The following FYB1 variants were observed in gnomAD, a reference collection of about 807,000 sequenced individuals.
The protein encoded by FYB1 is FYN-binding protein 1.
In FYB1, 41 loss-of-function variants were observed where a neutral mutation model predicts 94.1. That is an observed-to-expected ratio of 0.44 (90% CI 0.34 to 0.57). The LOEUF (loss-of-function observed/expected upper bound fraction) is 0.57, where lower values mean the gene tolerates loss of function less well. FYB1 is among the 20% of genes least tolerant of loss of function. FYB1 has a pLI of 0.02. For missense variants in FYB1, 1,050 were observed against 976.8 expected (o/e 1.07, Z -1.00); for synonymous variants, 367 against 353.2 (o/e 1.04, Z -0.44).
intron 1 of FYB1, among the ~76,000 whole-genome samples, chr5:39,231,147 CA>C (rs747268330): frequency 4.4e-4 from 18 of 40,916 alleles, no homozygotes; most frequent in Non-Finnish European, 8.3e-4. Context: ...CAGCTCAGAG[CA>C]AAAAAAAAAA....
chr5:39,192,785 G>A (rs1214080349), intron 2 of FYB1, among the ~76,000 whole-genome samples: 2 of 152,240 alleles, frequency 1.3e-5, no homozygotes, highest in Non-Finnish European at 2.9e-5. Context: ...TGGTGCCTGA[G>A]CAGAAAGAAT....
intron 1 of FYB1, among the ~76,000 whole-genome samples, chr5:39,257,397 C>T (rs1453956132): frequency 1.3e-5 from 2 of 148,970 alleles, no homozygotes; most frequent in African/African-American, 2.5e-5. Flanking sequence ...CTTATTTTGA[C>T]TTAGGTTCGT....
intron 2 of FYB1, chr5:39,169,333 GA>G: frequency 1.3e-6 from 1 of 769,690 alleles, no homozygotes. Flanking sequence ...TATCTTTGGA[GA>G]AAAATTCCCA....
intron 1 of FYB1, among the ~76,000 whole-genome samples, chr5:39,229,425 G>A (rs1335629425): frequency 6.6e-6 from 1 of 152,164 alleles, no homozygotes; most frequent in Non-Finnish European, 1.5e-5. Flanking sequence ...AAATGACAGT[G>A]GAAACTAGTA....
At chr5:39,170,047 T>G in intron 2 of FYB1, 1 of 807,378 alleles carries the variant, frequency 1.2e-6, no homozygotes, top group Non-Finnish European at 2.2e-6. Flanking sequence ...ATGAGAGGCC[T>G]CCACTGGTGT....
At chr5:39,123,604 A>T (rs1740337375) in intron 13 of FYB1, among the ~76,000 whole-genome samples, 1 of 152,170 alleles carries the variant, frequency 6.6e-6, no homozygotes, top group African/African-American at 2.4e-5. Flanking sequence ...CTAATGTCAG[A>T]TAAAGGGTCT....
Position 39,202,498 on chromosome 5 carries a change from AT to A in FYB1, c.462del (p.Lys154AsnfsTer20). On this transcript the variant is annotated frameshift_variant, in exon 2 of 19. Coordinates refer to ENST00000512982, the MANE Select transcript of FYB1 (RefSeq NM_001465.6). LOFTEE classifies it high-confidence loss of function. ...QDHDLKPLGP[K>X]SGPTPPTSEN... ...TCTGAGGTTGGAGGAGTAGGCCCAG[AT>A]TTCGGGCCTAGTGGCTTTAAGTCAT... 6.2e-7 allele frequency: 1 copy of A among 1,613,774 alleles called. No individual in the cohort carries two copies. The highest frequency in any genetic ancestry group is 8.5e-7 in the Non-Finnish European group (1 of 1,179,836).
chr5:39,169,330 G>C, intron 2 of FYB1: 1 of 771,996 alleles, frequency 1.3e-6, no homozygotes, highest in African/African-American at 1.7e-5. Flanking sequence ...GGGTATCTTT[G>C]GAGAAAAATT....
chr5:39,180,952 G>T (rs1030667177), intron 2 of FYB1, among the ~76,000 whole-genome samples: 3 of 151,254 alleles, frequency 2.0e-5, no homozygotes, highest in African/African-American at 7.4e-5. Context: ...TTCTGGAACA[G>T]AAATTCAGGG....
intron 14 of FYB1, among the ~76,000 whole-genome samples, chr5:39,121,680 T>C (rs1177888987): frequency 6.6e-6 from 1 of 152,148 alleles, no homozygotes; most frequent in Non-Finnish European, 1.5e-5. Flanking sequence ...ACCTACCATG[T>C]TATTCTCTAT....
chr5:39,154,369 T>A (rs910754011), intron 2 of FYB1, among the ~76,000 whole-genome samples: 8 of 152,194 alleles, frequency 5.3e-5, no homozygotes, highest in Non-Finnish European at 1.2e-4. Context: ...TTCCTAAATA[T>A]GGAATTTTAA....
Position 39,134,323 on chromosome 5 carries a change from C to G in FYB1, c.1702G>C (p.Glu568Gln). 6.2e-7 allele frequency: 1 copy of G among 1,610,032 alleles called. No homozygotes were observed. The highest frequency in any genetic ancestry group is 2.2e-5 in the East Asian group (1 of 44,750). The change falls in exon 9 of 19, where the codon GAG becomes CAG. Residue 568 changes from glutamate to glutamine, a missense_variant. Glu to Gln is a conservative substitution (Grantham distance 29, BLOSUM62 2). Coordinates refer to ENST00000512982, the MANE Select transcript of FYB1 (RefSeq NM_001465.6). ...AGTTTCAAAGAATCATAGTCAATCT[C>G]TACAGCAGTTGTTTTAATATAGCCA... ...SYGYIKTTAV[E>Q]IDYDSLKLKK...
intron 1 of FYB1, among the ~76,000 whole-genome samples, chr5:39,264,344 G>A (rs1427685208): frequency 1.2e-4 from 18 of 152,184 alleles, no homozygotes; most frequent in Non-Finnish European, 2.6e-4. Context: ...GCCCTTACAA[G>A]ACTATGACCA....
intron 17 of FYB1, 130 bp downstream of exon 17, chr5:39,110,226 A>G (rs1209012550): frequency 7.1e-6 from 4 of 564,674 alleles, no homozygotes; most frequent in African/African-American, 1.9e-5. Context: ...ACGTTAGTAT[A>G]GCATATTGTT....
chr5:39,147,027 C>G (rs925637675), intron 3 of FYB1, among the ~76,000 whole-genome samples: 3 of 151,968 alleles, frequency 2.0e-5, no homozygotes, highest in Non-Finnish European at 2.9e-5. Flanking sequence ...ACAATGGAAC[C>G]AGTCACAGCC....
At chr5:39,171,735 C>T (rs1010508371) in intron 2 of FYB1, among the ~76,000 whole-genome samples, 5 of 152,196 alleles carry the variant, frequency 3.3e-5, no homozygotes, top group Admixed American at 2.0e-4. Context: ...AATAATACCA[C>T]GTTAACTACC....
chr5:39,151,500 G>C (rs1241877374), intron 3 of FYB1, among the ~76,000 whole-genome samples: 2 of 152,110 alleles, frequency 1.3e-5, no homozygotes. Context: ...ATATTGCCCA[G>C]GCTGGTCTCA....
chr5:39,153,726 G>A, intron 2 of FYB1, 122 bp from the exon 3 acceptor site: 3 of 782,338 alleles, frequency 3.8e-6, no homozygotes, highest in Non-Finnish European at 6.1e-6. Context: ...TGGCTATATG[G>A]AATTTTCAAT....
At chr5:39,207,224 G>A (rs7723407) in intron 1 of FYB1, among the ~76,000 whole-genome samples, 10,598 of 152,122 alleles carry the variant, frequency 0.07, 576 homozygotes, top group East Asian at 0.15. Flanking sequence ...GAAGCAATTT[G>A]TTATTATTTC....
Sources: allele counts gnomAD v4.1 joint callset (sites outside exome capture counted in the v4.1 genomes callset), GRCh38; gene constraint gnomAD v4.1.1; transcripts MANE v1.5; gene names NCBI Gene and HGNC (gene_info 2026-07-23, HGNC 2026-07-21).